EGFR: variants seen among roughly 807,000 people sequenced by gnomAD.
The protein encoded by EGFR is epidermal growth factor receptor.
A neutral mutation model predicts 143.0 loss-of-function variants in EGFR; 58 were observed. The ratio of observed to expected loss-of-function variants is 0.41; its 90% CI spans 0.33 to 0.50. The LOEUF is 0.50. EGFR is among the 20% of genes least tolerant of loss of function. The pLI is 0.39. For synonymous variants in EGFR, 613 were observed against 594.4 expected, an observed-to-expected ratio of 1.03 and a Z score of -0.45; for missense variants, 1,307 against 1,579.0, an observed-to-expected ratio of 0.83 and a Z score of 2.92.
intron 20 of EGFR, among the ~76,000 whole-genome samples, chr7:55,185,001 A>G (rs1297982757): frequency 3.9e-5 from 6 of 152,222 alleles, no homozygotes; most frequent in Admixed American, 3.3e-4. Flanking sequence ...TGGCTTATAA[A>G]TGTCCTGTGT....
intron 26 of EGFR, 42 bp downstream of exon 26, chr7:55,201,824 A>C (rs1273624502): frequency 1.9e-6 from 3 of 1,598,608 alleles, no homozygotes; most frequent in South Asian, 2.2e-5. Context: ...ACAGCTCTCC[A>C]CTATGGCTCT....
At chr7:55,186,047 G>A (rs1424128143) in intron 20 of EGFR, among the ~76,000 whole-genome samples, 9 of 152,308 alleles carry the variant, frequency 5.9e-5, no homozygotes, top group Non-Finnish European at 8.8e-5. Flanking sequence ...CGTCCACACC[G>A]GGAGACAGGG....
intron 1 of EGFR, among the ~76,000 whole-genome samples, chr7:55,084,259 G>T (rs555453855): frequency 1.3e-5 from 2 of 152,262 alleles, no homozygotes; most frequent in South Asian, 2.1e-4. Flanking sequence ...GCTCATAAGG[G>T]TTCTTGGCAG....
intron 1 of EGFR, among the ~76,000 whole-genome samples, chr7:55,095,660 A>G (rs968895216): frequency 5.3e-5 from 8 of 152,088 alleles, no homozygotes; most frequent in African/African-American, 1.9e-4. Flanking sequence ...ACACACAGAC[A>G]TGCTCACAAT....
chr7:55,078,749 G>A (rs1319136457), intron 1 of EGFR, among the ~76,000 whole-genome samples: 1 of 152,204 alleles, frequency 6.6e-6, no homozygotes, highest in Admixed American at 6.5e-5. Flanking sequence ...GACAGAGAGG[G>A]GACATCCTGA....
chr7:55,093,250 A>T (rs1420346935), intron 1 of EGFR, among the ~76,000 whole-genome samples: 1 of 152,234 alleles, frequency 6.6e-6, no homozygotes, highest in East Asian at 1.9e-4. Flanking sequence ...GTCCCATGAG[A>T]ATAGATACTG....
chr7:55,157,066 C>A, intron 10 of EGFR: 1 of 1,080,380 alleles, frequency 9.3e-7, no homozygotes, highest in Non-Finnish European at 1.3e-6. Context: ...CTCCCTCCCG[C>A]CCGGCCCCAG....
At chr7:55,143,160 A>G in intron 2 of EGFR, 145 bp from the exon 3 acceptor site, 3 of 770,526 alleles carry the variant, frequency 3.9e-6, no homozygotes, top group Non-Finnish European at 6.6e-6. Flanking sequence ...CCATGACTGC[A>G]ATCGTCTACC....
intron 13 of EGFR, 54 bp downstream of exon 13, chr7:55,161,685 T>C (rs1026527670): frequency 1.2e-6 from 2 of 1,613,396 alleles, no homozygotes; most frequent in African/African-American, 2.7e-5. Context: ...AGGCTCCAGG[T>C]TGTTGTTATA....
At position 55,185,792 on chromosome 7, in the gene EGFR, G is replaced by A. The variant is rs147112830; in HGVS notation, c.2469+4314G>A. Among the ~76,000 whole-genome samples the A allele has an allele frequency of 5.9e-3, 892 of 152,282 alleles. 12 individuals carry two copies. Among genetic ancestry groups the A allele is most frequent in the African/African-American group, 0.02 (834 of 41,550 alleles). On this transcript the variant is annotated intron_variant, in intron 20 of 27. Coordinates refer to ENST00000275493, the MANE Select transcript of EGFR (RefSeq NM_005228.5). The stretch of plus-strand genomic sequence containing the variant: ...AACTGGCTTACACATGGCACTCTCT[G>A]ACCACAACTGTATAAGCACCAAACT...
intron 1 of EGFR, among the ~76,000 whole-genome samples, chr7:55,036,786 G>A (rs1170222456): frequency 6.6e-6 from 1 of 152,092 alleles, no homozygotes; most frequent in Non-Finnish European, 1.5e-5. Context: ...TAGCGACAAA[G>A]TAACATACCT....
intron 1 of EGFR, among the ~76,000 whole-genome samples, chr7:55,048,041 G>A (rs1317469562): frequency 1.3e-5 from 2 of 151,934 alleles, no homozygotes; most frequent in Admixed American, 6.5e-5. Context: ...CATCTTTTGT[G>A]AATATTTTAT....
At chr7:55,092,022 T>TAA (rs11376505) in intron 1 of EGFR, among the ~76,000 whole-genome samples, 6 of 151,486 alleles carry the variant, frequency 4.0e-5, no homozygotes, top group East Asian at 1.9e-4. Context: ...TCTATCTCCT[T>TAA]AAAAAAAAAT....
intron 1 of EGFR, among the ~76,000 whole-genome samples, chr7:55,127,299 C>A (rs1475868440): frequency 6.6e-6 from 1 of 152,174 alleles, no homozygotes; most frequent in African/African-American, 2.4e-5. Flanking sequence ...CAACCTCCCC[C>A]AAACCAAACA....
At chr7:55,170,844 CTG>C (rs1472427090) in intron 15 of EGFR, 1 of 1,412,666 alleles carries the variant, frequency 7.1e-7, no homozygotes, top group African/African-American at 1.4e-5. Context: ...TTCTGCCCCT[CTG>C]TTTGAAATTC....
intron 23 of EGFR, among the ~76,000 whole-genome samples, chr7:55,199,779 G>C (rs1352969228): frequency 2.6e-5 from 4 of 152,188 alleles, no homozygotes; most frequent in Non-Finnish European, 4.4e-5. Flanking sequence ...AGCACAGCCA[G>C]CCCTCTCACT....
intron 1 of EGFR, among the ~76,000 whole-genome samples, chr7:55,023,650 CAAAA>C (rs11372886): frequency 1.1e-5 from 1 of 94,038 alleles, no homozygotes; most frequent in African/African-American, 4.2e-5. Flanking sequence ...GACTCCATCT[CAAAA>C]AAAAAAAAAA....
At chr7:55,188,100 T>C (rs112260221) in intron 20 of EGFR, among the ~76,000 whole-genome samples, 61 of 152,280 alleles carry the variant, frequency 4.0e-4, no homozygotes, top group African/African-American at 1.4e-3. Context: ...ACCTTAAGCC[T>C]CTTTCTGATC....
intron 15 of EGFR, among the ~76,000 whole-genome samples, chr7:55,169,083 C>A (rs1391290576): frequency 1.3e-5 from 2 of 151,912 alleles, no homozygotes; most frequent in Non-Finnish European, 2.9e-5. Flanking sequence ...GGGGGAGGAA[C>A]CCTGGAGGAA....
Sources: allele counts gnomAD v4.1 joint callset (sites outside exome capture counted in the v4.1 genomes callset), GRCh38; gene constraint gnomAD v4.1.1; transcripts MANE v1.5; gene names NCBI Gene and HGNC (gene_info 2026-07-23, HGNC 2026-07-21).